TBC1D31: variants seen among roughly 807,000 people sequenced by gnomAD.
TBC1D31 encodes the protein TBC1 domain family member 31, also known as WD repeat domain 67.
TBC1D31 carries 99 observed loss-of-function variants against 132.9 expected under a neutral mutation model. That is an observed-to-expected ratio of 0.74 (90% CI 0.63 to 0.88). The LOEUF is 0.88. Ranked by LOEUF, TBC1D31 falls within the 40% of genes least tolerant of loss-of-function variation. TBC1D31 has a pLI of 0.00. For missense variants in TBC1D31, 1,134 were observed against 1,256.6 expected (o/e 0.90, Z 1.48); for synonymous variants, 385 against 419.4 (o/e 0.92, Z 1.00).
intron 17 of TBC1D31, among the ~76,000 whole-genome samples, chr8:123,138,215 A>G (rs967549285): frequency 1.3e-5 from 2 of 152,212 alleles, no homozygotes; most frequent in Admixed American, 1.3e-4. Flanking sequence ...TTCTTTTTCT[A>G]AATGGCTACA....
chr8:123,118,201 G>A (rs1038613710), intron 10 of TBC1D31, among the ~76,000 whole-genome samples: 3 of 152,026 alleles, frequency 2.0e-5, no homozygotes, highest in South Asian at 2.1e-4. Flanking sequence ...AAGAAATAAC[G>A]GAAAAATGAT....
the TBC1D31 span, among the ~76,000 whole-genome samples, chr8:123,162,979 C>T: frequency 5.9e-5 from 9 of 151,860 alleles, no homozygotes; most frequent in South Asian, 2.1e-4. Flanking sequence ...ATTACAGGCG[C>T]GCCACCACAC....
chr8:123,164,428 A>T, the TBC1D31 span, among the ~76,000 whole-genome samples: 4 of 152,202 alleles, frequency 2.6e-5, no homozygotes, highest in African/African-American at 9.7e-5. Flanking sequence ...AAAAAGAATG[A>T]AGAATAATCC....
chr8:123,134,202 AG>A lies in TBC1D31; in HGVS notation c.2496del (p.Lys833ArgfsTer35). On this transcript the variant is annotated frameshift_variant, in exon 17 of 22. Coordinates refer to ENST00000287380, the MANE Select transcript of TBC1D31 (RefSeq NM_145647.4). LOFTEE classifies it high-confidence loss of function. ...LELESQKRLY[E>X]KNLTENQEAL... ...CTCGAATCACAAAAGAGACTTTATGAGAAGGTATAATTCAGTTATTTCCAAC... is the reference window on the plus strand; with the variant it reads ...CTCGAATCACAAAAGAGACTTTATGAAAGGTATAATTCAGTTATTTCCAAC... The A allele has an allele frequency of 1.2e-6, 2 of 1,613,434 alleles. No homozygotes were observed. Among genetic ancestry groups the A allele is most frequent in the Non-Finnish European group, 1.7e-6 (2 of 1,179,416 alleles).
rs144764049 is a variant in TBC1D31, at chr8:123,083,254, C to T, written c.340+437C>T. On this transcript the variant is annotated intron_variant, in intron 3 of 21. Transcript: ENST00000287380. ...GGCCATCTGCGCCAAGCACTGTTGA[C>T]GCAGGGAGTCGACCCAAGCTTTGGT... The T allele has an allele frequency of 8.7e-3, 1,344 of 154,232 alleles. 19 individuals carry two copies. The highest frequency in any genetic ancestry group is 0.03 in the African/African-American group (1,234 of 41,534). 9.6% of individuals were successfully genotyped at this position (154,232 alleles called of 1,614,324 possible).
downstream of TBC1D31, among the ~76,000 whole-genome samples, chr8:123,152,478 T>A (rs1389306739): frequency 6.6e-6 from 1 of 152,070 alleles, no homozygotes; most frequent in African/African-American, 2.4e-5. Flanking sequence ...CTGCTCTTCC[T>A]CCCTCCCTCC....
chr8:123,073,042 G>A (rs1418201001), intron 1 of TBC1D31, among the ~76,000 whole-genome samples, 196 bp downstream of exon 1: 1 of 152,196 alleles, frequency 6.6e-6, no homozygotes, highest in African/African-American at 2.4e-5. Context: ...TGGGAGCGGG[G>A]GTCTGGTCCG....
At chr8:123,074,488 A>G (rs888597843) in intron 1 of TBC1D31, among the ~76,000 whole-genome samples, 1 of 152,064 alleles carries the variant, frequency 6.6e-6, no homozygotes, top group African/African-American at 2.4e-5. Flanking sequence ...CAAGTTTTTC[A>G]TTTTCAAATT....
rs765722191 is a variant in TBC1D31, at chr8:123,128,379, C to A, written c.1983C>A (p.Ser661Arg). The stretch of plus-strand genomic sequence containing the variant: ...CGCCTACTGACATTCATCCAGACAG[C>A]ATGCTTAATGTTTTTGTTGCACTGA... The part of the protein sequence containing the change: ...ETTPTDIHPD[S>R]MLNVFVALTK... The change falls in exon 14 of 22, where the codon AGC becomes AGA. Residue 661 changes from serine to arginine, a missense_variant. Coordinates refer to ENST00000287380, the MANE Select transcript of TBC1D31 (RefSeq NM_145647.4). The A allele has an allele frequency of 6.2e-7, 1 of 1,613,048 alleles. No homozygotes were observed. Among genetic ancestry groups the A allele is most frequent in the Non-Finnish European group, 8.5e-7 (1 of 1,179,136 alleles).
chr8:123,136,811 C>T (rs1426497997), intron 17 of TBC1D31, among the ~76,000 whole-genome samples: 1 of 152,024 alleles, frequency 6.6e-6, no homozygotes, highest in Non-Finnish European at 1.5e-5. Flanking sequence ...TCTCTTTTTG[C>T]TGTCTTTTGA....
intron 2 of TBC1D31, among the ~76,000 whole-genome samples, chr8:123,081,358 C>T (rs1815127919): frequency 6.9e-6 from 1 of 145,234 alleles, no homozygotes; most frequent in South Asian, 2.2e-4. Context: ...ACTTCTGCTA[C>T]TACTACCTAC....
chr8:123,074,143 T>C (rs1814233102), intron 1 of TBC1D31, among the ~76,000 whole-genome samples: 1 of 152,080 alleles, frequency 6.6e-6, no homozygotes, highest in Non-Finnish European at 1.5e-5. Context: ...GCGATTCTCC[T>C]GCCGCAGCCT....
At chr8:123,101,695 G>C (rs1817436228) in intron 7 of TBC1D31, among the ~76,000 whole-genome samples, 1 of 152,168 alleles carries the variant, frequency 6.6e-6, no homozygotes, top group African/African-American at 2.4e-5. Flanking sequence ...TTACAGGTGT[G>C]AGCCACCACG....
intron 17 of TBC1D31, among the ~76,000 whole-genome samples, chr8:123,136,345 C>G (rs1821087789): frequency 6.6e-6 from 1 of 152,094 alleles, no homozygotes; most frequent in African/African-American, 2.4e-5. Flanking sequence ...GCATGTAAAC[C>G]AGATAATTTG....
Position 123,120,205 on chromosome 8 carries a change from T to C in TBC1D31, c.1570+17T>C. ...CTCTCATAAGTAAGTAAATACTTGT[T>C]AAAGTATAAGATCAAGAATGGATTC... On this transcript the variant is annotated intron_variant, in intron 11 of 21. Transcript: ENST00000287380. 6.3e-7 allele frequency: 1 copy of C among 1,576,406 alleles called. No homozygotes were observed. Among genetic ancestry groups the C allele is most frequent in the Non-Finnish European group, 8.6e-7 (1 of 1,157,358 alleles).
At position 123,082,712 on chromosome 8, in the gene TBC1D31, G is replaced by A; in HGVS notation, c.235G>A (p.Val79Ile). ...FDLHGNRFNL[V>I]QRTAQACTAL... ...ATGATCTCTTAATAGGTTCAATCTT[G>A]TTCAGCGAACAGCACAAGCTTGCAC... is the stretch of plus-strand genomic sequence containing the variant. The change falls in exon 3 of 22, where the codon GTT (valine) becomes ATT (isoleucine). Residue 79 changes from valine to isoleucine, a missense_variant. By Grantham distance (29) the Val-to-Ile change is conservative. Transcript: ENST00000287380. 1.2e-6 allele frequency: 2 copies of A among 1,608,172 alleles called. No individual in the cohort carries two copies. The highest frequency in any genetic ancestry group is 2.7e-5 in the African/African-American group (2 of 74,798).
rs1335472153 is a variant in TBC1D31, at chr8:123,151,987, C to T, written c.*48C>T. On this transcript the variant is annotated 3_prime_UTR_variant, in exon 22 of 22. Transcript: ENST00000287380. The stretch of plus-strand genomic sequence containing the variant: ...TCGAGAGAGAGACCTATTTTGCAAT[C>T]AGTGACATTGATTTTTAGATTATTT... The T allele has an allele frequency of 1.5e-6, 2 of 1,374,774 alleles. No homozygotes were observed. Among genetic ancestry groups the T allele is most frequent in the Non-Finnish European group, 1.9e-6 (2 of 1,053,592 alleles). 85.2% of individuals were successfully genotyped at this position (1,374,774 alleles called of 1,614,324 possible).
At chr8:123,156,216 G>A (rs1822982228), downstream of TBC1D31, among the ~76,000 whole-genome samples, 1 of 152,092 alleles carries the variant, frequency 6.6e-6, no homozygotes, top group South Asian at 2.1e-4. Flanking sequence ...CGAGGTGGGC[G>A]GATCACCTGA....
chr8:123,077,689 A>C (rs146289130), intron 2 of TBC1D31, among the ~76,000 whole-genome samples: 162 of 152,226 alleles, frequency 1.1e-3, no homozygotes, highest in African/African-American at 3.6e-3. Flanking sequence ...ATCATGAGGC[A>C]ATGTAGAAAT....
Sources: allele counts gnomAD v4.1 joint callset (sites outside exome capture counted in the v4.1 genomes callset), GRCh38; gene constraint gnomAD v4.1.1; transcripts MANE v1.5; gene names NCBI Gene and HGNC (gene_info 2026-07-23, HGNC 2026-07-21).